Variants in LARP1B observed in about 807,000 individuals in gnomAD.
LARP1B encodes the protein La ribonucleoprotein 1B.
LARP1B carries 76 observed loss-of-function variants against 114.2 expected under a neutral mutation model. The ratio of observed to expected loss-of-function variants is 0.67; its 90% CI spans 0.55 to 0.81. LARP1B has a LOEUF of 0.81. LARP1B is among the 30% of genes least tolerant of loss of function. The pLI, the probability that LARP1B is intolerant of heterozygous loss-of-function variation, is 0.00. For missense variants in LARP1B, 1,014 were observed against 1,075.8 expected (o/e 0.94, Z 0.80); for synonymous variants, 345 against 348.0 (o/e 0.99, Z 0.10).
At chr4:128,097,524 C>G (rs1367787434) in intron 7 of LARP1B, among the ~76,000 whole-genome samples, 3 of 151,948 alleles carry the variant, frequency 2.0e-5, no homozygotes, top group Non-Finnish European at 4.4e-5. Context: ...TCAGGCTGAT[C>G]TTGAACTGCC....
intron 1 of LARP1B, among the ~76,000 whole-genome samples, chr4:128,073,153 C>T (rs1199668515): frequency 2.0e-5 from 3 of 152,028 alleles, no homozygotes; most frequent in Non-Finnish European, 4.4e-5. Flanking sequence ...GTGGCTCATG[C>T]CTGTAATCCT....
intron 7 of LARP1B, among the ~76,000 whole-genome samples, chr4:128,096,726 G>T (rs986894542): frequency 6.6e-6 from 1 of 151,340 alleles, no homozygotes; most frequent in African/African-American, 2.4e-5. Flanking sequence ...TCAACCTCCC[G>T]AGTAGCTGGG....
chr4:128,105,387 A>G (rs1444282161), intron 8 of LARP1B, among the ~76,000 whole-genome samples: 1 of 152,096 alleles, frequency 6.6e-6, no homozygotes, highest in Non-Finnish European at 1.5e-5. Flanking sequence ...AATGGTCTGG[A>G]TGCTGGGCAT....
intron 1 of LARP1B, among the ~76,000 whole-genome samples, chr4:128,066,975 T>C (rs1465979280): frequency 6.6e-6 from 1 of 151,548 alleles, no homozygotes; most frequent in African/African-American, 2.4e-5. Context: ...CTAATTATTT[T>C]TTTTTAATTT....
At position 128,091,487 on chromosome 4, in the gene LARP1B, C is replaced by A. The variant is rs773026501; in HGVS notation, c.643C>A (p.Leu215Ile). The A allele has an allele frequency of 8.1e-6, 13 of 1,607,586 alleles. No individual in the cohort carries two copies. Among genetic ancestry groups the A allele is most frequent in the Non-Finnish European group, 1.1e-5 (13 of 1,177,818 alleles). The change falls in exon 7 of 20, where the codon CTT becomes ATT. Residue 215 changes from leucine (L) to isoleucine (I), a missense_variant. Coordinates refer to ENST00000326639, the MANE Select transcript of LARP1B (RefSeq NM_018078.4). ...GGTGTATCCTGTGGAAGAAGCATTG[C>A]TTAAAGAGTATATTAAGCGTCAAAT... is the stretch of plus-strand genomic sequence containing the variant. The part of the protein sequence containing the change: ...VQVYPVEEAL[L>I]KEYIKRQIEY...
chr4:128,108,817 G>C, intron 9 of LARP1B: 1 of 984,350 alleles, frequency 1.0e-6, no homozygotes, highest in Non-Finnish European at 1.2e-6. Flanking sequence ...TTTCTCTGCA[G>C]GGTAGGTAAG....
exon 8 of LARP1B, chr4:128,222,562 A>G (rs903119367): frequency 4.1e-6 from 1 of 246,890 alleles, no homozygotes; most frequent in Non-Finnish European, 8.3e-6. Context: ...TAACTTTTAG[A>G]TAACAACTTC....
At chr4:128,119,978 T>C (rs1269296791) in intron 10 of LARP1B, among the ~76,000 whole-genome samples, 1 of 152,230 alleles carries the variant, frequency 6.6e-6, no homozygotes, top group Non-Finnish European at 1.5e-5. Context: ...TAGACTTTTA[T>C]CATGTACCTG....
intron 1 of LARP1B, chr4:128,061,884 AGCCGTC>A (rs1205358660): frequency 2.5e-5 from 25 of 984,844 alleles, no homozygotes; most frequent in Admixed American, 6.2e-5. Flanking sequence ...GCGCGGGGAG[AGCCGTC>A]GCCGGCGCTG....
Position 128,113,633 on chromosome 4 carries a change from G to A in LARP1B, c.989-937G>A, listed in dbSNP as rs1276632508. On this transcript the variant is annotated intron_variant, in intron 9 of 19. Transcript: ENST00000326639. ...TGGGATTGTAGGTGTGAGCCACTGC[G>A]CCTGGCTGCAATTTGAATTTTATCA... Among the ~76,000 whole-genome samples, 36 of 151,900 alleles carry A rather than the reference G, an allele frequency of 2.4e-4. 1 individual carries two copies. The highest frequency in any genetic ancestry group is 5.9e-5 in the Non-Finnish European group (4 of 67,982).
At chr4:128,207,642 C>A (rs1157232191) in intron 19 of LARP1B, among the ~76,000 whole-genome samples, 1 of 152,184 alleles carries the variant, frequency 6.6e-6, no homozygotes, top group Non-Finnish European at 1.5e-5. Flanking sequence ...TATAATTAAA[C>A]ATTTTCTAGA....
At chr4:128,213,924 G>A (rs1029048352), downstream of LARP1B, among the ~76,000 whole-genome samples, 1 of 151,904 alleles carries the variant, frequency 6.6e-6, no homozygotes, top group Non-Finnish European at 1.5e-5. Flanking sequence ...GCCAGACAGT[G>A]GGCGCAGGCC....
chr4:128,196,408 A>T (rs1754138964), intron 15 of LARP1B, among the ~76,000 whole-genome samples: 2 of 151,832 alleles, frequency 1.3e-5, no homozygotes, highest in Admixed American at 6.6e-5. Context: ...AGTCTTAGCT[A>T]CTTGGGAGGC....
chr4:128,163,368 A>G (rs895701621), intron 12 of LARP1B, among the ~76,000 whole-genome samples: 1 of 152,178 alleles, frequency 6.6e-6, no homozygotes, highest in Non-Finnish European at 1.5e-5. Flanking sequence ...TCTCTGTAAG[A>G]ATATGTCATA....
chr4:128,077,930 A>G lies in LARP1B; in HGVS notation c.185A>G (p.Asp62Gly). 1.2e-6 allele frequency: 2 copies of G among 1,610,216 alleles called. No individual in the cohort carries two copies. The highest frequency in any genetic ancestry group is 1.7e-5 in the Admixed American group (1 of 59,148). ...GGTCCTGGTGAAAACGTCAGTGAGGATGAGGCTCAGTCAAGTAATCAACGT... is the reference window on the plus strand; with the variant it reads ...GGTCCTGGTGAAAACGTCAGTGAGGGTGAGGCTCAGTCAAGTAATCAACGT... ...LNGPGENVSEDEAQSSNQRKR... is the reference protein window; with the variant it reads ...LNGPGENVSEGEAQSSNQRKR... Residue 62 changes from aspartate (D) to glycine (G), a missense_variant, in exon 4 of 20, where the codon GAT (aspartate) becomes GGT (glycine). Asp to Gly is a moderately conservative substitution (Grantham distance 94, BLOSUM62 -1). Coordinates refer to ENST00000326639, the MANE Select transcript of LARP1B (RefSeq NM_018078.4).
intron 11 of LARP1B, among the ~76,000 whole-genome samples, chr4:128,140,500 G>A (rs1727514011): frequency 6.6e-6 from 1 of 152,030 alleles, no homozygotes; most frequent in Non-Finnish European, 1.5e-5. Context: ...GTATATAGAT[G>A]GTTGCATAAA....
At chr4:128,103,451 G>A (rs771602477) in intron 8 of LARP1B, among the ~76,000 whole-genome samples, 3 of 151,910 alleles carry the variant, frequency 2.0e-5, no homozygotes, top group Non-Finnish European at 2.9e-5. Context: ...TACCTGCCTT[G>A]GTAGTGGTCA....
chr4:128,155,737 C>G lies in LARP1B; in HGVS notation c.1525-6457C>G, dbSNP rs560052062. 18 of 1,608,332 alleles carry G rather than the reference C, an allele frequency of 1.1e-5. No individual in the cohort carries two copies. In the African/African-American group the frequency reaches 2.1e-4, roughly 19 times the overall value. ...CCGAGTAAGGCCCGAGCGGAACAAG[C>G]TGGCTGCGGCCAAGTGTAGGAACTG... On this transcript the variant is annotated intron_variant, in intron 11 of 19. Transcript: ENST00000326639.
chr4:128,112,301 A>G (rs554049028), intron 9 of LARP1B, among the ~76,000 whole-genome samples: 39 of 151,976 alleles, frequency 2.6e-4, no homozygotes, highest in African/African-American at 8.9e-4. Context: ...ATAGATCCAA[A>G]TGTTATATGC....
Sources: gnomAD v4.1 joint callset for allele counts (sites outside exome capture counted in the v4.1 genomes callset) on GRCh38, gnomAD v4.1.1 for gene constraint, MANE v1.5 for transcripts, NCBI Gene and HGNC (gene_info 2026-07-23, HGNC 2026-07-21) for gene names.